Variants in GANAB observed in about 807,000 individuals in gnomAD.
The protein encoded by GANAB is neutral alpha-glucosidase AB.
In GANAB, 35 loss-of-function variants were observed where a neutral mutation model predicts 129.9. The observed-to-expected ratio is 0.27, with a 90% CI of 0.21 to 0.36. GANAB has a LOEUF of 0.36. Ranked by LOEUF, GANAB falls within the 10% of genes least tolerant of loss-of-function variation. The pLI is 1.00. For synonymous variants in GANAB, 482 were observed against 451.8 expected (o/e 1.07, Z -0.85); for missense variants, 939 against 1,221.0 (o/e 0.77, Z 3.44).
chr11:62,643,334 T>C (rs1196428918), intron 1 of GANAB, among the ~76,000 whole-genome samples: 1 of 152,136 alleles, frequency 6.6e-6, no homozygotes, highest in Non-Finnish European at 1.5e-5. Context: ...AAACTCCATC[T>C]CTACTAAAAA....
chr11:62,643,906 C>T (rs550064490), intron 1 of GANAB, among the ~76,000 whole-genome samples: 6 of 152,368 alleles, frequency 3.9e-5, no homozygotes, highest in East Asian at 1.9e-4. Context: ...GCTGGAATTA[C>T]AGGCGTGAGC....
rs769073417 is a variant in GANAB at position 62,639,042 on chromosome 11, C to A, written c.321G>T (p.Glu107Asp). The A allele has an allele frequency of 1.2e-6, 2 of 1,613,936 alleles. No homozygotes were observed. Among genetic ancestry groups the A allele is most frequent in the South Asian group, 1.1e-5 (1 of 91,070 alleles). ...GTACACGGTATCGGGGTCGCCGAGGCTCCAGCTCATCAATCCTGAACCGAG... is the reference window on the plus strand; with the variant it reads ...GTACACGGTATCGGGGTCGCCGAGGATCCAGCTCATCAATCCTGAACCGAG... Reference protein sequence around the residue: ...NMTRFRIDELEPRRPRYRVPD... With the variant: ...NMTRFRIDELDPRRPRYRVPD... The change falls in exon 4 of 24, where the codon GAG becomes GAT. Residue 107 changes from glutamate to aspartate, a missense_variant. By Grantham distance (45) the Glu-to-Asp change is conservative (BLOSUM62 2). This residue lies in a region of GANAB where 321 missense variants were observed against 329.1 expected (regional missense o/e 0.98). Coordinates refer to ENST00000356638, the MANE Select transcript of GANAB (RefSeq NM_198334.3).
Position 62,631,124 on chromosome 11 carries a change from A to G in GANAB, c.1056T>C (p.Asp352=), listed in dbSNP as rs749097384. ...TGCCAGTCTCTGACATCCAGCGAAC[A>G]TCTGTCTGTGGGGTCTCCCCAGAGC... is the stretch of plus-strand genomic sequence containing the variant. ...LQGSGETPQT[D]VRWMSETGII... The change falls in exon 10 of 24, where the codon GAT becomes GAC. Residue 352 remains aspartate (D), a synonymous_variant. Coordinates refer to ENST00000356638, the MANE Select transcript of GANAB (RefSeq NM_198334.3). 15 of 1,611,652 alleles carry G rather than the reference A, an allele frequency of 9.3e-6. No individual in the cohort carries two copies. Among genetic ancestry groups the G allele is most frequent in the Non-Finnish European group, 1.3e-5 (15 of 1,177,882 alleles).
chr11:62,636,775 T>C (rs1262567193), intron 4 of GANAB, among the ~76,000 whole-genome samples: 4 of 152,014 alleles, frequency 2.6e-5, no homozygotes, highest in East Asian at 3.9e-4. Context: ...TAGTCCCAGC[T>C]ACTCAGGCAT....
chr11:62,626,617 C>T lies in GANAB; in HGVS notation c.2465G>A (p.Cys822Tyr). The change falls in exon 21 of 24, where the codon TGT becomes TAT. Residue 822 changes from cysteine (C) to tyrosine (Y), a missense_variant. Around this residue, in one of 5 missense-constraint regions of GANAB, gnomAD observed 230 missense variants for 259.9 expected, o/e 0.89. Coordinates refer to ENST00000356638, the MANE Select transcript of GANAB (RefSeq NM_198334.3). ...GAGAGTGATGGGGTCATCCTTCATA[C>T]ATTCTGAAGACCGCCGCACTCGCAT... Reference protein sequence around the residue: ...RWMRVRRSSECMKDDPITLFV... With the variant: ...RWMRVRRSSEYMKDDPITLFV... The T allele has an allele frequency of 1.2e-6, 2 of 1,612,324 alleles. No individual in the cohort carries two copies. Among genetic ancestry groups the T allele is most frequent in the Non-Finnish European group, 1.7e-6 (2 of 1,178,620 alleles).
At chr11:62,638,110 C>T (rs939768529) in intron 4 of GANAB, among the ~76,000 whole-genome samples, 4 of 152,088 alleles carry the variant, frequency 2.6e-5, no homozygotes, top group Non-Finnish European at 2.9e-5. Flanking sequence ...ACGTCTGGAG[C>T]CGTCAAGGGT....
intron 8 of GANAB, 52 bp from the exon 9 acceptor site, chr11:62,632,797 T>C: frequency 1.4e-6 from 2 of 1,404,744 alleles, no homozygotes; most frequent in Non-Finnish European, 2.0e-6. Context: ...GGCTGCGTTA[T>C]ATGCTAACAC....
chr11:62,639,771 G>A (rs1168737755), intron 1 of GANAB, 40 bp from the exon 2 acceptor site: 11 of 1,355,928 alleles, frequency 8.1e-6, no homozygotes, highest in Middle Eastern at 1.8e-4. Flanking sequence ...TCAGCATGGA[G>A]GTCAGAAGGG....
chr11:62,640,250 A>AAAAAAAAAAAAAAAC (rs1944175739), intron 1 of GANAB, among the ~76,000 whole-genome samples: 1 of 96,732 alleles, frequency 1.0e-5, no homozygotes, highest in Admixed American at 1.1e-4. Context: ...AAAAAAAAAA[A>AAAAAAAAAAAAAAAC]AAGCCAGGCG....
Position 62,639,699 on chromosome 11 carries a change from C to T in GANAB, c.71G>A (p.Gly24Glu), listed in dbSNP as rs1435438674. 6.2e-7 allele frequency: 1 copy of T among 1,613,854 alleles called. No individual in the cohort carries two copies. The highest frequency in any genetic ancestry group is 2.2e-5 in the East Asian group (1 of 44,872). ...SWASLVLAFL[G>E]VCLGITLAVD... ...AGCAAGGGTAATCCCCAGGCAGACC[C>T]CTAAAAAAGCCAGTACCAAAGACGC... The change falls in exon 2 of 24, where the codon GGG becomes GAG. Residue 24 changes from glycine (G) to glutamate (E), a missense_variant. This residue lies in a region of GANAB where 321 missense variants were observed against 329.1 expected (regional missense o/e 0.98). Coordinates refer to ENST00000356638, the MANE Select transcript of GANAB (RefSeq NM_198334.3).
intron 7 of GANAB, 21 bp downstream of exon 7, chr11:62,633,163 C>T: frequency 6.2e-7 from 1 of 1,609,934 alleles, no homozygotes; most frequent in Non-Finnish European, 8.5e-7. Context: ...CACCCCAGCC[C>T]AAGGAACCCG....
chr11:62,646,394 G>C (rs761597904), intron 1 of GANAB, among the ~76,000 whole-genome samples, 168 bp downstream of exon 1: 30 of 152,190 alleles, frequency 2.0e-4, no homozygotes, highest in Non-Finnish European at 4.0e-4. Context: ...GCGTCGCTCG[G>C]ATCTACCACG....
At chr11:62,636,858 C>T (rs948687147) in intron 4 of GANAB, among the ~76,000 whole-genome samples, 5 of 151,952 alleles carry the variant, frequency 3.3e-5, no homozygotes, top group African/African-American at 9.7e-5. Context: ...ACACAGGAGG[C>T]GGAGGTTGTG....
chr11:62,631,855 G>A (rs1234510657), intron 9 of GANAB, among the ~76,000 whole-genome samples: 1 of 151,702 alleles, frequency 6.6e-6, no homozygotes, highest in African/African-American at 2.4e-5. Flanking sequence ...GGCCTCAAGC[G>A]ATCCTCTTGC....
chr11:62,639,050 C>T lies in GANAB; in HGVS notation c.313G>A (p.Glu105Lys). 1 of 1,613,890 alleles carries T rather than the reference C, an allele frequency of 6.2e-7. No homozygotes were observed. The highest frequency in any genetic ancestry group is 8.5e-7 in the Non-Finnish European group (1 of 1,179,924). ...QKNMTRFRID[E>K]LEPRRPRYRV... Reference sequence around the variant, plus strand: ...TATCGGGGTCGCCGAGGCTCCAGCTCATCAATCCTGAACCGAGTCATGTTC... The same window carrying T: ...TATCGGGGTCGCCGAGGCTCCAGCTTATCAATCCTGAACCGAGTCATGTTC... Residue 105 changes from glutamate (E) to lysine (K), a missense_variant, in exon 4 of 24, where the codon GAG becomes AAG. Glu to Lys is a moderately conservative substitution (Grantham distance 56). This residue lies in a region of GANAB where 321 missense variants were observed against 329.1 expected (regional missense o/e 0.98). Transcript: ENST00000356638.
intron 9 of GANAB, 42 bp downstream of exon 9, chr11:62,632,523 G>A (rs749004325): frequency 6.5e-7 from 1 of 1,530,186 alleles, no homozygotes; most frequent in East Asian, 2.2e-5. Flanking sequence ...TCAAGGCCTG[G>A]AAGCTTCACT....
intron 1 of GANAB, among the ~76,000 whole-genome samples, chr11:62,642,521 G>A (rs1377316572): frequency 6.6e-6 from 1 of 150,940 alleles, no homozygotes; most frequent in Non-Finnish European, 1.5e-5. Context: ...TGCAACCTCT[G>A]CCTCCTGGGT....
In GANAB at chr11:62,625,526, C is replaced by T; in HGVS notation, c.*289G>A. The T allele has an allele frequency of 2.1e-6, 1 of 468,874 alleles. No individual in the cohort carries two copies. Among genetic ancestry groups the T allele is most frequent in the East Asian group, 4.2e-5 (1 of 23,994 alleles). The allele number at this position is 468,874 out of a possible 1,614,324, so 29.0% of individuals were successfully genotyped here. A position where few individuals can be genotyped will look rare whatever the true frequency, so the allele number is the denominator to read the frequency against. Reference sequence around the variant, plus strand: ...GGGAAAGAGAAGGGGCGACAAGGGCCCTGTGGTTTCCTGGTGTTCGTAAGT... The same window carrying T: ...GGGAAAGAGAAGGGGCGACAAGGGCTCTGTGGTTTCCTGGTGTTCGTAAGT... On this transcript the variant is annotated 3_prime_UTR_variant, in exon 24 of 24. Coordinates refer to ENST00000356638, the MANE Select transcript of GANAB (RefSeq NM_198334.3).
intron 4 of GANAB, among the ~76,000 whole-genome samples, chr11:62,636,031 C>T (rs1943925935): frequency 6.6e-6 from 1 of 152,082 alleles, no homozygotes; most frequent in African/African-American, 2.4e-5. Flanking sequence ...CACTCTATCA[C>T]CCAGACTGGA....
Sources: gnomAD v4.1 joint callset for allele counts (sites outside exome capture counted in the v4.1 genomes callset) on GRCh38, gnomAD v4.1.1 for gene constraint, gnomAD v4.1.1 regional missense constraint, MANE v1.5 for transcripts, NCBI Gene and HGNC (gene_info 2026-07-23, HGNC 2026-07-21) for gene names.